The following DPY19L4 variants were observed in gnomAD, a reference collection of about 807,000 sequenced individuals.
DPY19L4 encodes the protein probable C-mannosyltransferase DPY19L4.
DPY19L4 carries 97 observed loss-of-function variants against 102.8 expected under a neutral mutation model. The ratio of observed to expected loss-of-function variants is 0.94; its 90% CI spans 0.80 to 1.12. The LOEUF (loss-of-function observed/expected upper bound fraction) is 1.12, where lower values mean the gene tolerates loss of function less well. DPY19L4 is among the 50% of genes most tolerant of loss of function. The pLI, the probability that DPY19L4 is intolerant of heterozygous loss-of-function variation, is 0.00. For synonymous variants in DPY19L4, 252 were observed against 283.1 expected, an observed-to-expected ratio of 0.89 and a Z score of 1.10; for missense variants, 815 against 850.4, an observed-to-expected ratio of 0.96 and a Z score of 0.52.
chr8:94,768,069 A>G (rs1050663687), intron 11 of DPY19L4, among the ~76,000 whole-genome samples: 2 of 152,178 alleles, frequency 1.3e-5, no homozygotes, highest in African/African-American at 4.8e-5. Flanking sequence ...TGTAGAGGTT[A>G]GCCGGCCGAA....
At chr8:94,743,479 TAAA>T (rs906372836) in intron 6 of DPY19L4, among the ~76,000 whole-genome samples, 1 of 138,586 alleles carries the variant, frequency 7.2e-6, no homozygotes, top group Non-Finnish European at 1.6e-5. Flanking sequence ...CATCTCTACT[TAAA>T]AAAAAAAAAA....
chr8:94,719,919 C>T lies in DPY19L4; in HGVS notation c.-80C>T, dbSNP rs1172528051. On this transcript the variant is annotated 5_prime_UTR_variant, in exon 1 of 19. Transcript: ENST00000414645. ...GCGGCCAGGAGCGGGCCCCCGGAGG[C>T]CGAGGGGTTCGGCGACGCGGAGGGA... is the stretch of plus-strand genomic sequence containing the variant. The T allele has an allele frequency of 8.4e-6, 12 of 1,424,826 alleles. No individual in the cohort carries two copies. In the African/African-American group the frequency reaches 1.8e-4, roughly 21 times the overall value. The allele number at this position is 1,424,826 out of a possible 1,614,324, so 88.3% of individuals were successfully genotyped here. A position where few individuals can be genotyped will look rare whatever the true frequency, so the allele number is the denominator to read the frequency against.
intron 8 of DPY19L4, among the ~76,000 whole-genome samples, chr8:94,763,849 CA>C: frequency 6.6e-6 from 1 of 152,144 alleles, no homozygotes; most frequent in Non-Finnish European, 1.5e-5. Context: ...TTCTGTTTTT[CA>C]CAGAGATGGG....
chr8:94,726,269 C>A, intron 1 of DPY19L4, 62 bp from the exon 2 acceptor site: 1 of 1,369,920 alleles, frequency 7.3e-7, no homozygotes, highest in Non-Finnish European at 9.9e-7. Context: ...GGTTAATTGG[C>A]TCAGGATACA....
In DPY19L4 at chr8:94,793,107, A is replaced by G. The variant is rs1471073484; in HGVS notation, c.*3197A>G. The G allele has an allele frequency of 6.6e-6, 1 of 152,172 alleles. No individual in the cohort carries two copies. Among genetic ancestry groups the G allele is most frequent in the African/African-American group, 2.4e-5 (1 of 41,434 alleles). The allele number at this position is 152,172 out of a possible 1,614,324, so 9.4% of individuals were successfully genotyped here. A position where few individuals can be genotyped will look rare whatever the true frequency, so the allele number is the denominator to read the frequency against. Reference sequence around the variant, plus strand: ...TTTTTTCTTCATTTACTTTCTGTGTATATAGGCAGCATATTTTTTTTGTAG... The same window carrying G: ...TTTTTTCTTCATTTACTTTCTGTGTGTATAGGCAGCATATTTTTTTTGTAG... On this transcript the variant is annotated 3_prime_UTR_variant, in exon 19 of 19. Transcript: ENST00000414645.
At chr8:94,764,195 A>G (rs543052155) in intron 8 of DPY19L4, among the ~76,000 whole-genome samples, 1 of 152,252 alleles carries the variant, frequency 6.6e-6, no homozygotes, top group South Asian at 2.1e-4. Flanking sequence ...AACAGGGCAA[A>G]CTAAGTGAAA....
rs1231073902 is a variant in DPY19L4 at position 94,789,774 on chromosome 8, CCTA to C, written c.2039_2041del (p.Tyr680del). On this transcript the variant is annotated inframe_deletion, in exon 19 of 19. Transcript: ENST00000414645. ...GTTTGTGAAGAAGGTGACAAGCTAA[CCTA>C]CTCAAAATATGGGCGATTTTGTCAT... is the stretch of plus-strand genomic sequence containing the variant. 1.2e-6 allele frequency: 2 copies of C among 1,608,398 alleles called. No homozygotes were observed. Among genetic ancestry groups the C allele is most frequent in the South Asian group, 2.2e-5 (2 of 89,576 alleles).
At chr8:94,754,943 C>T (rs1812094840) in intron 6 of DPY19L4, among the ~76,000 whole-genome samples, 1 of 152,252 alleles carries the variant, frequency 6.6e-6, no homozygotes, top group Admixed American at 6.5e-5. Context: ...CACGCGCCAC[C>T]ACGGCAGGCT....
At chr8:94,781,281 T>A in intron 16 of DPY19L4, 115 bp downstream of exon 16, 1 of 921,552 alleles carries the variant, frequency 1.1e-6, no homozygotes, top group Non-Finnish European at 1.5e-6. Flanking sequence ...TTCATAAAAC[T>A]CAGGCGTTTT....
At chr8:94,736,590 T>A (rs1811198448) in intron 3 of DPY19L4, among the ~76,000 whole-genome samples, 1 of 152,210 alleles carries the variant, frequency 6.6e-6, no homozygotes, top group Non-Finnish European at 1.5e-5. Context: ...TCATTTGATT[T>A]TAAAAGATTA....
intron 11 of DPY19L4, 59 bp from the exon 12 acceptor site, chr8:94,768,336 C>G: frequency 7.3e-7 from 1 of 1,374,888 alleles, no homozygotes; most frequent in African/African-American, 1.5e-5. Flanking sequence ...AAAAAAAATA[C>G]TTCTGTGTTC....
chr8:94,758,267 C>T (rs1208312111), intron 7 of DPY19L4, among the ~76,000 whole-genome samples: 1 of 152,116 alleles, frequency 6.6e-6, no homozygotes, highest in Non-Finnish European at 1.5e-5. Context: ...CACCCAGCTT[C>T]CCCCAGTAAT....
intron 2 of DPY19L4, among the ~76,000 whole-genome samples, chr8:94,732,815 T>C (rs1194421154): frequency 1.4e-5 from 2 of 147,886 alleles, no homozygotes; most frequent in Non-Finnish European, 3.0e-5. Flanking sequence ...TTCTTTCTTT[T>C]TTTTTTTTTT....
intron 11 of DPY19L4, 85 bp downstream of exon 11, chr8:94,766,770 G>T: frequency 8.1e-7 from 1 of 1,240,672 alleles, no homozygotes; most frequent in Non-Finnish European, 1.1e-6. Context: ...GGGCATAGTG[G>T]CTCACATCTG....
intron 2 of DPY19L4, among the ~76,000 whole-genome samples, chr8:94,734,128 C>T (rs548820208): frequency 1.1e-4 from 16 of 148,252 alleles, no homozygotes; most frequent in African/African-American, 4.0e-4. Flanking sequence ...GGCATGATCT[C>T]GGCTTACTGC....
Position 94,738,424 on chromosome 8 carries a change from A to C in DPY19L4, c.308A>C (p.Tyr103Ser), listed in dbSNP as rs375207219. Residue 103 changes from tyrosine (Y) to serine (S), a missense_variant, in exon 4 of 19, where the codon TAT becomes TCT. Transcript: ENST00000414645. ...QGDSAIYYSY[Y>S]KDMLKAPSFE... ...GACAGTGCCATTTATTACTCCTATTATAAAGATATGTTAAAGGCACCTTCA... is the reference window on the plus strand; with the variant it reads ...GACAGTGCCATTTATTACTCCTATTCTAAAGATATGTTAAAGGCACCTTCA... 18 of 1,565,200 alleles carry C rather than the reference A, an allele frequency of 1.2e-5. No homozygotes were observed. The highest frequency in any genetic ancestry group is 1.6e-5 in the Non-Finnish European group (18 of 1,158,054).
rs1423890921 is a variant in DPY19L4, at chr8:94,791,294, C to T, written c.*1384C>T. 1.3e-5 allele frequency: 2 copies of T among 151,962 alleles called. No individual in the cohort carries two copies. The highest frequency in any genetic ancestry group is 1.5e-5 in the Non-Finnish European group (1 of 67,934). The allele number at this position is 151,962 out of a possible 1,614,324, so 9.4% of individuals were successfully genotyped here. A position where few individuals can be genotyped will look rare whatever the true frequency, so the allele number is the denominator to read the frequency against. On this transcript the variant is annotated 3_prime_UTR_variant, in exon 19 of 19. Coordinates refer to ENST00000414645, the MANE Select transcript of DPY19L4 (RefSeq NM_181787.3). Reference sequence around the variant, plus strand: ...ACACTACATTAGAAGGGAGCTTTTCCGTTGTCTTTATTTTCTGTTATACAT... The same window carrying T: ...ACACTACATTAGAAGGGAGCTTTTCTGTTGTCTTTATTTTCTGTTATACAT...
At chr8:94,766,583 T>C (rs1488034597) in intron 10 of DPY19L4, 29 bp from the exon 11 acceptor site, 8 of 1,604,552 alleles carry the variant, frequency 5.0e-6, no homozygotes, top group Non-Finnish European at 6.8e-6. Flanking sequence ...CTAATATTTC[T>C]TTGTTTAACT....
chr8:94,768,648 G>C (rs1812785687), intron 12 of DPY19L4, 95 bp downstream of exon 12: 2 of 788,972 alleles, frequency 2.5e-6, no homozygotes, highest in African/African-American at 1.8e-5. Flanking sequence ...TTCTGTATTT[G>C]TTTTAGAGCT....
Sources: allele counts gnomAD v4.1 joint callset (sites outside exome capture counted in the v4.1 genomes callset), GRCh38; gene constraint gnomAD v4.1.1; transcripts MANE v1.5; gene names NCBI Gene and HGNC (gene_info 2026-07-23, HGNC 2026-07-21).